NCALD: variants seen among roughly 807,000 people sequenced by gnomAD.
NCALD encodes the protein neurocalcin-delta.
In NCALD, 10 loss-of-function variants were observed where a neutral mutation model predicts 18.6. That is an observed-to-expected ratio of 0.54 (90% CI 0.33 to 0.91). NCALD has a LOEUF of 0.91. Among genes scored for constraint, NCALD ranks in the 40% least tolerant of loss-of-function variants. NCALD has a pLI of 0.03. For synonymous variants in NCALD, 88 were observed against 87.4 expected, an observed-to-expected ratio of 1.01 and a Z score of -0.04; for missense variants, 184 against 247.6, an observed-to-expected ratio of 0.74 and a Z score of 1.72.
chr8:101,856,071 A>C (rs1181805478), intron 4 of NCALD, among the ~76,000 whole-genome samples: 2 of 152,176 alleles, frequency 1.3e-5, no homozygotes, highest in African/African-American at 4.8e-5. Context: ...CAGCTTTGGA[A>C]GAGGAAAAGA....
intron 4 of NCALD, among the ~76,000 whole-genome samples, chr8:101,826,463 C>G (rs112415297): frequency 0.022 from 3,366 of 152,238 alleles, 120 homozygotes; most frequent in East Asian, 0.12. Flanking sequence ...GTAAGATTGA[C>G]TTTGGAGTCA....
At chr8:101,756,084 C>CT (rs34257056) in intron 1 of NCALD, among the ~76,000 whole-genome samples, 20 of 148,962 alleles carry the variant, frequency 1.3e-4, no homozygotes, top group Middle Eastern at 3.4e-3. Flanking sequence ...CTTCCCCCAC[C>CT]TTTTTTTTTT....
chr8:101,837,878 G>A (rs1190999955), intron 4 of NCALD, among the ~76,000 whole-genome samples: 1 of 152,176 alleles, frequency 6.6e-6, no homozygotes, highest in African/African-American at 2.4e-5. Flanking sequence ...GCTGGTGAAA[G>A]TCTCAACATT....
intron 2 of NCALD, among the ~76,000 whole-genome samples, chr8:101,952,274 A>T (rs537955254): frequency 6.6e-6 from 1 of 152,274 alleles, no homozygotes; most frequent in African/African-American, 2.4e-5. Flanking sequence ...GACCACTCAC[A>T]TCTTCTTCCT....
chr8:102,037,739 T>G (rs1822920635), intron 1 of NCALD, among the ~76,000 whole-genome samples: 1 of 152,188 alleles, frequency 6.6e-6, no homozygotes, highest in Non-Finnish European at 1.5e-5. Context: ...GCCACTGCCT[T>G]CAGCCTAGAA....
intron 3 of NCALD, among the ~76,000 whole-genome samples, chr8:101,892,698 G>A (rs1264948): frequency 0.27 from 40,520 of 149,128 alleles, 6,283 homozygotes; most frequent in East Asian, 0.36. Context: ...ACCAAGGCTC[G>A]AGAACTACGT....
chr8:101,957,503 T>C (rs1819680662), intron 2 of NCALD, among the ~76,000 whole-genome samples: 1 of 152,144 alleles, frequency 6.6e-6, no homozygotes, highest in Non-Finnish European at 1.5e-5. Flanking sequence ...TAGGGCTTTG[T>C]ATCTTGGTAG....
At chr8:101,890,314 G>C (rs1051423391) in intron 3 of NCALD, among the ~76,000 whole-genome samples, 4 of 152,134 alleles carry the variant, frequency 2.6e-5, no homozygotes, top group Non-Finnish European at 5.9e-5. Context: ...GATAGTGGGG[G>C]TAGAAATTGA....
At chr8:102,066,466 G>A (rs1049302773) in intron 1 of NCALD, among the ~76,000 whole-genome samples, 9 of 152,182 alleles carry the variant, frequency 5.9e-5, no homozygotes, top group African/African-American at 1.9e-4. Context: ...TGAGTGGCAC[G>A]GTGCTGGGCC....
chr8:101,895,752 C>T (rs1257374623), intron 3 of NCALD, among the ~76,000 whole-genome samples: 1 of 148,066 alleles, frequency 6.8e-6, no homozygotes, highest in Non-Finnish European at 1.5e-5. Flanking sequence ...CATGAGTGAA[C>T]TCCCATTCAC....
chr8:101,899,750 C>A (rs1315694670), intron 3 of NCALD, among the ~76,000 whole-genome samples: 3 of 151,756 alleles, frequency 2.0e-5, no homozygotes, highest in Non-Finnish European at 4.4e-5. Flanking sequence ...ATATAATTAC[C>A]TTTATATATT....
chr8:101,978,594 T>C (rs1190984561), intron 2 of NCALD, among the ~76,000 whole-genome samples: 1 of 152,134 alleles, frequency 6.6e-6, no homozygotes, highest in Admixed American at 6.6e-5. Flanking sequence ...CATGATGATA[T>C]TTGTCAAAAT....
intron 1 of NCALD, among the ~76,000 whole-genome samples, chr8:101,729,959 G>A (rs958262078): frequency 4.6e-5 from 7 of 151,830 alleles, no homozygotes; most frequent in African/African-American, 1.5e-4. Context: ...TTTGTTTTGC[G>A]GATTACCAAA....
At chr8:102,098,434 CGGCCTCTTCT>C (rs1429447567) in intron 1 of NCALD, among the ~76,000 whole-genome samples, 1 of 152,172 alleles carries the variant, frequency 6.6e-6, no homozygotes, top group African/African-American at 2.4e-5. Context: ...TCTTCCTCCC[CGGCCTCTTCT>C]GGCCTGAGGA....
At chr8:101,765,391 A>G (rs945622230) in intron 1 of NCALD, among the ~76,000 whole-genome samples, 1 of 152,172 alleles carries the variant, frequency 6.6e-6, no homozygotes, top group Admixed American at 6.5e-5. Context: ...GCTCATCACT[A>G]TCCTTGGCAA....
chr8:101,788,735 TAC>T (rs1365792714), intron 1 of NCALD: 4 of 152,170 alleles, frequency 2.6e-5, no homozygotes, highest in African/African-American at 9.7e-5. Context: ...TCCGAAACTA[TAC>T]ACAAAATATT....
At chr8:102,012,115 T>C (rs931469666) in intron 2 of NCALD, among the ~76,000 whole-genome samples, 6 of 151,852 alleles carry the variant, frequency 4.0e-5, no homozygotes, top group Non-Finnish European at 8.8e-5. Context: ...ACACTGGGAA[T>C]GCAGAATGCT....
intron 2 of NCALD, among the ~76,000 whole-genome samples, chr8:101,928,279 C>G: frequency 6.6e-6 from 1 of 152,264 alleles, no homozygotes; most frequent in Non-Finnish European, 1.5e-5. Context: ...CCAGGCTTGT[C>G]CCACTCCATA....
intron 1 of NCALD, among the ~76,000 whole-genome samples, chr8:102,049,345 T>G (rs571926152): frequency 1.8e-4 from 27 of 152,324 alleles, no homozygotes; most frequent in African/African-American, 6.3e-4. Flanking sequence ...CATTTAAGTT[T>G]CCTCTATGTC....
Sources: gnomAD v4.1 joint callset for allele counts (sites outside exome capture counted in the v4.1 genomes callset) on GRCh38, gnomAD v4.1.1 for gene constraint, MANE v1.5 for transcripts, NCBI Gene and HGNC (gene_info 2026-07-23, HGNC 2026-07-21) for gene names.